IGF2R: variants seen among roughly 807,000 people sequenced by gnomAD.
IGF2R encodes cation-independent mannose-6-phosphate receptor.
Under a neutral mutation model 270.6 loss-of-function variants are expected in IGF2R, and 91 were observed. The observed-to-expected ratio is 0.34, with a 90% CI of 0.28 to 0.40. The LOEUF (loss-of-function observed/expected upper bound fraction) is 0.40, where lower values mean the gene tolerates loss of function less well. IGF2R is among the 10% of genes least tolerant of loss of function. The probability of loss-of-function intolerance (pLI) is 1.00; values close to 1 mark genes in which losing one functional copy is unlikely to be tolerated. For missense variants in IGF2R, 2,805 were observed against 3,188.3 expected, an observed-to-expected ratio of 0.88 and a Z score of 2.90; for synonymous variants, 1,316 against 1,258.9, an observed-to-expected ratio of 1.05 and a Z score of -0.96.
In IGF2R at chr6:160,056,404, C is replaced by T; in HGVS notation, c.2695-20C>T. On this transcript the variant is annotated intron_variant, in intron 19 of 47. Transcript: ENST00000356956. ...TTCCATGTTACTGTATTGACTTTTA[C>T]CCTGGATTTGCCCATTCAGAACAGC... 6.5e-7 allele frequency: 1 copy of T among 1,531,098 alleles called. No individual in the cohort carries two copies. Among genetic ancestry groups the T allele is most frequent in the Non-Finnish European group, 9.1e-7 (1 of 1,104,278 alleles). 94.8% of individuals were successfully genotyped at this position (1,531,098 alleles called of 1,614,324 possible). A position where few individuals can be genotyped will look rare whatever the true frequency, so the allele number is the denominator to read the frequency against.
intron 1 of IGF2R, among the ~76,000 whole-genome samples, chr6:159,988,862 G>T (rs75474551): frequency 0.061 from 9,204 of 152,108 alleles, 392 homozygotes; most frequent in Non-Finnish European, 0.094. Flanking sequence ...TGTGCCTCCC[G>T]CAGTAAGTAC....
chr6:160,010,558 G>A (rs986096506), intron 3 of IGF2R, 129 bp from the exon 4 acceptor site: 10 of 602,372 alleles, frequency 1.7e-5, no homozygotes, highest in South Asian at 2.3e-5. Flanking sequence ...TAACTAAAGC[G>A]GTTGCATCCC....
intron 10 of IGF2R, among the ~76,000 whole-genome samples, chr6:160,038,767 G>C: frequency 6.6e-6 from 1 of 152,030 alleles, no homozygotes; most frequent in East Asian, 1.9e-4. Context: ...AAAGACAGTG[G>C]CTTAGTGTAC....
intron 2 of IGF2R, chr6:160,005,771 T>G: frequency 1.3e-5 from 1 of 76,882 alleles, no homozygotes; most frequent in Non-Finnish European, 2.4e-5. Context: ...AACTGCAGCC[T>G]TCCGCGCCTC....
chr6:159,989,253 C>T (rs959793773), intron 1 of IGF2R, among the ~76,000 whole-genome samples: 1 of 152,100 alleles, frequency 6.6e-6, no homozygotes, highest in East Asian at 1.9e-4. Context: ...TCCAGTGACC[C>T]CACCAGGGCT....
At chr6:160,013,693 A>G (rs917218270) in intron 4 of IGF2R, among the ~76,000 whole-genome samples, 5 of 152,228 alleles carry the variant, frequency 3.3e-5, no homozygotes, top group Admixed American at 1.3e-4. Flanking sequence ...CAGGGAGCCT[A>G]TAGACTAATG....
At chr6:160,046,340 G>A (rs1029154639) in intron 14 of IGF2R, among the ~76,000 whole-genome samples, 158 bp from the exon 15 acceptor site, 7 of 152,264 alleles carry the variant, frequency 4.6e-5, no homozygotes, top group Non-Finnish European at 1.0e-4. Context: ...CGCGGTTCTG[G>A]TGGCCTCAAG....
intron 4 of IGF2R, among the ~76,000 whole-genome samples, chr6:160,016,574 C>T (rs950729805): frequency 9.9e-5 from 15 of 152,210 alleles, no homozygotes; most frequent in Non-Finnish European, 1.5e-4. Context: ...GATGAACTTG[C>T]GTAGCCCATC....
rs75462515 is a variant in IGF2R at position 159,997,649 on chromosome 6, C to T, written c.289+6326C>T. Among the ~76,000 whole-genome samples, 1,046 of 152,250 alleles carry T rather than the reference C, an allele frequency of 6.9e-3. 16 individuals are homozygous for T. The highest frequency in any genetic ancestry group is 0.024 in the African/African-American group (995 of 41,534). ...GCTCCTAGCCGCTCTCTGCCCCTCT[C>T]GTTTCCTGCTTTTTATTTTTTGCCC... On this transcript the variant is annotated intron_variant, in intron 2 of 47. Coordinates refer to ENST00000356956, the MANE Select transcript of IGF2R (RefSeq NM_000876.4).
intron 29 of IGF2R, 127 bp downstream of exon 29, chr6:160,065,028 A>G (rs1714149474): frequency 4.5e-6 from 3 of 666,870 alleles, no homozygotes; most frequent in African/African-American, 1.8e-5. Flanking sequence ...CGGTTTGCTC[A>G]TATTAAAATG....
chr6:160,068,371 C>T lies in IGF2R; in HGVS notation c.4238C>T (p.Pro1413Leu), dbSNP rs757640649. 65 of 1,613,958 alleles carry T rather than the reference C, an allele frequency of 4.0e-5. No homozygotes were observed. The highest frequency in any genetic ancestry group is 5.5e-5 in the South Asian group (5 of 91,084). ...YLINVCKSLA[P>L]QAGTEPCPPE... ...ATCAATGTCTGCAAGTCTCTGGCCC[C>T]GCAGGCTGGCACTGGTGAGAGAGGG... is the stretch of plus-strand genomic sequence containing the variant. The change falls in exon 30 of 48, where the codon CCG becomes CTG. Residue 1413 changes from proline (P) to leucine (L), a missense_variant. By Grantham distance (98) the Pro-to-Leu change is moderately conservative. Coordinates refer to ENST00000356956, the MANE Select transcript of IGF2R (RefSeq NM_000876.4).
At chr6:159,996,235 C>T (rs1293462238) in intron 2 of IGF2R, among the ~76,000 whole-genome samples, 1 of 152,182 alleles carries the variant, frequency 6.6e-6, no homozygotes, top group Non-Finnish European at 1.5e-5. Context: ...TTTGTTCTCC[C>T]TTGCTTTGCA....
At chr6:160,099,331 TTTATGTTATG>T (rs56981943) in intron 45 of IGF2R, among the ~76,000 whole-genome samples, 3,663 of 149,114 alleles carry the variant, frequency 0.025, 130 homozygotes, top group African/African-American at 0.08. Context: ...TTTCCTCAGC[TTTATGTTATG>T]TTATGTTATG....
chr6:160,091,949 A>C (rs531053750), intron 44 of IGF2R, among the ~76,000 whole-genome samples: 2 of 152,348 alleles, frequency 1.3e-5, no homozygotes, highest in East Asian at 3.9e-4. Flanking sequence ...TAGTTCCCAA[A>C]GTCACCCTGT....
At chr6:160,095,798 C>T (rs1158959007) in intron 44 of IGF2R, 1 of 152,548 alleles carries the variant, frequency 6.6e-6, no homozygotes, top group South Asian at 2.1e-4. Flanking sequence ...GGCTGACTTT[C>T]TTGACTCGCT....
intron 26 of IGF2R, 120 bp from the exon 27 acceptor site, chr6:160,063,295 C>T (rs1778482147): frequency 1.3e-6 from 1 of 766,206 alleles, no homozygotes; most frequent in Admixed American, 2.0e-5. Context: ...CCTCAGCCTC[C>T]CAAAGTGCTG....
Position 160,029,428 on chromosome 6 carries a change from A to G in IGF2R, c.777-122A>G, listed in dbSNP as rs74678269. 2.8e-4 allele frequency: 162 copies of G among 588,556 alleles called. No individual in the cohort carries two copies. The African/African-American group carries it at 2.8e-3, about 10-fold the overall frequency. The allele number at this position is 588,556 out of a possible 1,614,324, so 36.5% of individuals were successfully genotyped here. Reference sequence around the variant, plus strand: ...TATACCATATCTACTTTTATATTTTAATATTTCTTCTGTTACCCTCTCCTC... The same window carrying G: ...TATACCATATCTACTTTTATATTTTGATATTTCTTCTGTTACCCTCTCCTC... On this transcript the variant is annotated intron_variant, in intron 6 of 47. Coordinates refer to ENST00000356956, the MANE Select transcript of IGF2R (RefSeq NM_000876.4).
At chr6:160,034,713 AG>A (rs1222888217) in intron 10 of IGF2R, among the ~76,000 whole-genome samples, 191 bp downstream of exon 10, 1 of 152,132 alleles carries the variant, frequency 6.6e-6, no homozygotes, top group Non-Finnish European at 1.5e-5. Context: ...CCACTGCCCC[AG>A]TGGACACACA....
chr6:160,097,206 A>G (rs1779381898), intron 45 of IGF2R, among the ~76,000 whole-genome samples: 2 of 152,252 alleles, frequency 1.3e-5, no homozygotes, highest in Non-Finnish European at 2.9e-5. Context: ...TGGCACCTCC[A>G]TTGGTTGTCT....
Sources: gnomAD v4.1 joint callset for allele counts (sites outside exome capture counted in the v4.1 genomes callset) on GRCh38, gnomAD v4.1.1 for gene constraint, MANE v1.5 for transcripts, NCBI Gene and HGNC (gene_info 2026-07-23, HGNC 2026-07-21) for gene names.